The following FRAS1 variants were observed in gnomAD, a reference collection of about 807,000 sequenced individuals.
FRAS1 encodes the protein extracellular matrix organizing protein FRAS1.
In FRAS1, 290 loss-of-function variants were observed where a neutral mutation model predicts 435.2. The observed-to-expected ratio is 0.67, with a 90% CI of 0.61 to 0.73. The LOEUF is 0.73. Among genes scored for constraint, FRAS1 ranks in the 30% least tolerant of loss-of-function variants. The probability of loss-of-function intolerance (pLI) is 0.00; values close to 1 mark genes in which losing one functional copy is unlikely to be tolerated. For missense variants in FRAS1, 4,860 were observed against 5,001.5 expected (o/e 0.97, Z 0.85); for synonymous variants, 1,800 against 1,851.0 (o/e 0.97, Z 0.71).
At chr4:78,248,048 T>C (rs988723703) in intron 4 of FRAS1, among the ~76,000 whole-genome samples, 2 of 152,164 alleles carry the variant, frequency 1.3e-5, no homozygotes, top group African/African-American at 4.8e-5. Context: ...GGGGAGGACC[T>C]CCTTTGCTTG....
At chr4:78,117,202 C>A (rs552450145) in intron 2 of FRAS1, among the ~76,000 whole-genome samples, 1 of 152,352 alleles carries the variant, frequency 6.6e-6, no homozygotes. Flanking sequence ...AAGAGATCAG[C>A]TGTTGGTCTG....
Position 78,420,879 on chromosome 4 carries a change from C to CATATATATATATATAT in FRAS1, c.4541-957_4541-942dup, listed in dbSNP as rs72430754. Among the ~76,000 whole-genome samples the CATATATATATATATAT allele has an allele frequency of 4.9e-4, 47 of 95,492 alleles. 1 individual carries two copies. The highest frequency in any genetic ancestry group is 8.0e-4 in the East Asian group (1 of 1,252). The allele number at this position is 95,492 out of a possible 152,430, so 62.6% of individuals were successfully genotyped here. On this transcript the variant is annotated intron_variant, in intron 33 of 73. Transcript: ENST00000512123. ...CTCTAGAGGGACAGAACTAATAGGA[C>CATATATATATATATAT]ATATATATATATATATATATATATA...
chr4:78,257,673 G>A lies in FRAS1; in HGVS notation c.603+2298G>A, dbSNP rs1234411685. On this transcript the variant is annotated intron_variant, in intron 6 of 73. Coordinates refer to ENST00000512123, the MANE Select transcript of FRAS1 (RefSeq NM_025074.7). ...ATTCAAAAAGACCAAGATAGATTTGGTGGTGGAGAGGGGAGGAGAATTCAT... is the reference window on the plus strand; with the variant it reads ...ATTCAAAAAGACCAAGATAGATTTGATGGTGGAGAGGGGAGGAGAATTCAT... Among the ~76,000 whole-genome samples the A allele has an allele frequency of 2.6e-5, 4 of 152,264 alleles. No individual in the cohort carries two copies. In the East Asian group the frequency reaches 5.8e-4, roughly 22 times the overall value.
intron 60 of FRAS1, 69 bp from the exon 61 acceptor site, chr4:78,499,652 T>A: frequency 7.1e-6 from 10 of 1,411,520 alleles, no homozygotes; most frequent in Non-Finnish European, 9.8e-6. Flanking sequence ...TTATAAGGTG[T>A]TTTCCTGGGA....
chr4:78,082,863 T>C (rs1374202490), intron 2 of FRAS1, among the ~76,000 whole-genome samples: 3 of 152,142 alleles, frequency 2.0e-5, no homozygotes, highest in Admixed American at 2.0e-4. Flanking sequence ...TGCAGAAGTA[T>C]TGGTTGTGAG....
At chr4:78,475,698 T>C (rs911129463) in intron 54 of FRAS1, 92 bp downstream of exon 54, 10 of 1,235,070 alleles carry the variant, frequency 8.1e-6, no homozygotes, top group Non-Finnish European at 9.9e-6. Flanking sequence ...TTCCCAACTT[T>C]GCTTTTCACT....
chr4:78,175,003 G>C (rs1475289844), intron 2 of FRAS1, among the ~76,000 whole-genome samples: 1 of 152,222 alleles, frequency 6.6e-6, no homozygotes, highest in Non-Finnish European at 1.5e-5. Flanking sequence ...GTGCTGTGAA[G>C]ATTTTCATTA....
At chr4:78,242,601 A>G (rs2110120660) in intron 3 of FRAS1, among the ~76,000 whole-genome samples, 1 of 152,020 alleles carries the variant, frequency 6.6e-6, no homozygotes, top group South Asian at 2.1e-4. Context: ...ACATCCAGCT[A>G]ATTTTGTATT....
intron 5 of FRAS1, among the ~76,000 whole-genome samples, chr4:78,254,558 G>C (rs547948680): frequency 3.3e-5 from 5 of 152,286 alleles, no homozygotes; most frequent in African/African-American, 1.2e-4. Flanking sequence ...GTTGGGGGTG[G>C]TGTGGGGAGT....
At chr4:78,082,132 T>A (rs982420091) in intron 2 of FRAS1, among the ~76,000 whole-genome samples, 2 of 152,184 alleles carry the variant, frequency 1.3e-5, no homozygotes, top group Non-Finnish European at 2.9e-5. Flanking sequence ...GATAGAACTA[T>A]GACGTCCCTC....
At chr4:78,357,916 C>T (rs1052507103) in intron 20 of FRAS1, among the ~76,000 whole-genome samples, 34 of 152,070 alleles carry the variant, frequency 2.2e-4, no homozygotes, top group African/African-American at 8.0e-4. Flanking sequence ...ACAAAAAAGA[C>T]AATTTTTTTT....
intron 7 of FRAS1, 40 bp downstream of exon 7, chr4:78,265,148 GTTCTC>G: frequency 7.3e-7 from 1 of 1,376,328 alleles, no homozygotes; most frequent in Non-Finnish European, 1.0e-6. Context: ...TTTGACATCC[GTTCTC>G]ACACATCTGC....
chr4:78,452,406 T>C, intron 47 of FRAS1, 52 bp downstream of exon 47: 1 of 1,403,186 alleles, frequency 7.1e-7, no homozygotes. Context: ...CCTTAGTAAG[T>C]ATTGAGGGCA....
chr4:78,325,390 A>G (rs996692383), intron 18 of FRAS1, among the ~76,000 whole-genome samples: 3 of 152,270 alleles, frequency 2.0e-5, no homozygotes, highest in Non-Finnish European at 4.4e-5. Context: ...CCTCAAGGCA[A>G]AGAGTTTTAA....
At chr4:78,188,610 T>C (rs1457788639) in intron 2 of FRAS1, among the ~76,000 whole-genome samples, 1 of 152,196 alleles carries the variant, frequency 6.6e-6, no homozygotes, top group African/African-American at 2.4e-5. Context: ...TAGATGTTGA[T>C]CACATCTATA....
intron 2 of FRAS1, among the ~76,000 whole-genome samples, chr4:78,180,537 A>G (rs11734499): frequency 0.27 from 41,413 of 152,096 alleles, 6,830 homozygotes; most frequent in South Asian, 0.53. Context: ...AAACTGGTAC[A>G]CACTGTTCAC....
chr4:78,527,314 G>A (rs1721566257), intron 70 of FRAS1, among the ~76,000 whole-genome samples: 1 of 126,666 alleles, frequency 7.9e-6, no homozygotes, highest in South Asian at 3.0e-4. Flanking sequence ...GTATTGTGCT[G>A]TATATTCATT....
intron 47 of FRAS1, among the ~76,000 whole-genome samples, chr4:78,454,473 G>A (rs946436029): frequency 2.6e-5 from 4 of 152,180 alleles, no homozygotes; most frequent in African/African-American, 9.7e-5. Context: ...TCCCTAGTGG[G>A]AATTAGAGCA....
At chr4:78,266,760 C>T (rs1414770731) in intron 7 of FRAS1, 74 bp from the exon 8 acceptor site, 1 of 1,127,342 alleles carries the variant, frequency 8.9e-7, no homozygotes, top group East Asian at 2.6e-5. Flanking sequence ...AATTGGGTGT[C>T]TTATGTGACA....
Sources: gnomAD v4.1 joint callset for allele counts (sites outside exome capture counted in the v4.1 genomes callset) on GRCh38, gnomAD v4.1.1 for gene constraint, MANE v1.5 for transcripts, NCBI Gene and HGNC (gene_info 2026-07-23, HGNC 2026-07-21) for gene names.